The following NCOA2 variants were observed in gnomAD, a reference collection of about 807,000 sequenced individuals.
NCOA2 encodes class E basic helix-loop-helix protein 75.
NCOA2 carries 21 observed loss-of-function variants against 145.1 expected under a neutral mutation model. That is an observed-to-expected ratio of 0.14 (90% CI 0.10 to 0.21). The LOEUF is 0.21. Among genes scored for constraint, NCOA2 ranks in the 10% least tolerant of loss-of-function variants. The pLI is 1.00. For synonymous variants in NCOA2, 619 were observed against 637.5 expected (o/e 0.97, Z 0.44); for missense variants, 1,472 against 1,837.6 (o/e 0.80, Z 3.64).
intron 1 of NCOA2, among the ~76,000 whole-genome samples, chr8:70,335,109 T>C (rs1763857402): frequency 9.5e-6 from 1 of 104,714 alleles, no homozygotes; most frequent in Non-Finnish European, 1.7e-5. Context: ...GGCAACAGCA[T>C]GAGACTCCAT....
intron 15 of NCOA2, among the ~76,000 whole-genome samples, chr8:70,132,859 C>A (rs1809301639): frequency 6.6e-6 from 1 of 152,132 alleles, no homozygotes; most frequent in Non-Finnish European, 1.5e-5. Flanking sequence ...AGCTACCACA[C>A]CTGGCCTGAA....
intron 2 of NCOA2, among the ~76,000 whole-genome samples, chr8:70,226,451 T>C (rs929157896): frequency 6.6e-6 from 1 of 152,064 alleles, no homozygotes; most frequent in Non-Finnish European, 1.5e-5. Flanking sequence ...GAAAAAATCT[T>C]GCAACAACTG....
intron 2 of NCOA2, among the ~76,000 whole-genome samples, chr8:70,279,363 A>G (rs1164702506): frequency 6.6e-6 from 1 of 152,132 alleles, no homozygotes; most frequent in Admixed American, 6.5e-5. Context: ...GATCTAGTAC[A>G]ATCAATGGCA....
At chr8:70,328,277 T>G (rs948618615) in intron 1 of NCOA2, among the ~76,000 whole-genome samples, 1 of 152,228 alleles carries the variant, frequency 6.6e-6, no homozygotes, top group Admixed American at 6.5e-5. Context: ...ATAGATTATA[T>G]GTACCTGCTA....
intron 2 of NCOA2, among the ~76,000 whole-genome samples, chr8:70,271,549 A>C (rs575278928): frequency 6.6e-6 from 1 of 152,352 alleles, no homozygotes; most frequent in Admixed American, 6.5e-5. Flanking sequence ...AATTACTGAA[A>C]GTTGCTCTCA....
At chr8:70,159,965 A>T (rs1320675348) in intron 9 of NCOA2, among the ~76,000 whole-genome samples, 1 of 152,208 alleles carries the variant, frequency 6.6e-6, no homozygotes, top group Non-Finnish European at 1.5e-5. Flanking sequence ...TTAACTGCTC[A>T]AACAAGCTTT....
intron 12 of NCOA2, among the ~76,000 whole-genome samples, chr8:70,146,113 G>T (rs1249193676): frequency 6.6e-6 from 1 of 152,046 alleles, no homozygotes; most frequent in East Asian, 1.9e-4. Flanking sequence ...TCTTAACTGG[G>T]CTTTCCTAGG....
intron 10 of NCOA2, among the ~76,000 whole-genome samples, chr8:70,157,707 C>T (rs1471570230): frequency 1.3e-5 from 2 of 152,118 alleles, no homozygotes; most frequent in East Asian, 1.9e-4. Flanking sequence ...AAGATAAACA[C>T]GCTTAGGGGA....
chr8:70,160,684 A>AGAGAGAGAGAGAGAGAGAGG (rs1563547162), intron 9 of NCOA2, among the ~76,000 whole-genome samples: 47 of 147,840 alleles, frequency 3.2e-4, no homozygotes, highest in African/African-American at 1.2e-3. Flanking sequence ...AGAGAGAGGG[A>AGAGAGAGAGAGAGAGAGAGG]GAGAGAGAGA....
chr8:70,278,397 G>A (rs1191833287), intron 2 of NCOA2, among the ~76,000 whole-genome samples: 1 of 152,120 alleles, frequency 6.6e-6, no homozygotes, highest in Non-Finnish European at 1.5e-5. Context: ...CATCAATATA[G>A]AAAGTCTACT....
chr8:70,164,661 T>C (rs1042141290), intron 7 of NCOA2, among the ~76,000 whole-genome samples: 1 of 152,136 alleles, frequency 6.6e-6, no homozygotes, highest in African/African-American at 2.4e-5. Context: ...AGTTTTTAAC[T>C]TGGCTGTTCC....
chr8:70,244,895 T>A (rs1404330737), intron 2 of NCOA2: 1 of 152,114 alleles, frequency 6.6e-6, no homozygotes, highest in Non-Finnish European at 1.5e-5. Flanking sequence ...TATCACTGCC[T>A]GGTTGTCACG....
intron 1 of NCOA2, among the ~76,000 whole-genome samples, chr8:70,364,012 G>C (rs964493962): frequency 8.9e-5 from 12 of 134,386 alleles, no homozygotes; most frequent in African/African-American, 3.3e-4. Flanking sequence ...ATACAACAAT[G>C]AAAAAAAAAA....
At chr8:70,186,052 T>C (rs1816035626) in intron 4 of NCOA2, among the ~76,000 whole-genome samples, 1 of 152,054 alleles carries the variant, frequency 6.6e-6, no homozygotes, top group Non-Finnish European at 1.5e-5. Context: ...ATACAAATAA[T>C]AAACCTAAAT....
intron 2 of NCOA2, among the ~76,000 whole-genome samples, chr8:70,220,779 A>G (rs1012266821): frequency 6.6e-6 from 1 of 152,244 alleles, no homozygotes; most frequent in Non-Finnish European, 1.5e-5. Context: ...TAATTTATGT[A>G]AACGATAATA....
intron 1 of NCOA2, among the ~76,000 whole-genome samples, chr8:70,376,758 T>C (rs1811701418): frequency 6.6e-6 from 1 of 152,210 alleles, no homozygotes; most frequent in South Asian, 2.1e-4. Context: ...GTAGCAGTGT[T>C]ATAGATACAG....
intron 1 of NCOA2, among the ~76,000 whole-genome samples, chr8:70,335,268 C>T (rs1194087252): frequency 6.6e-6 from 1 of 151,872 alleles, no homozygotes; most frequent in Non-Finnish European, 1.5e-5. Flanking sequence ...CTTCAACTTC[C>T]ACAACAGGCC....
intron 4 of NCOA2, among the ~76,000 whole-genome samples, chr8:70,180,764 A>G (rs930939102): frequency 6.6e-6 from 1 of 152,204 alleles, no homozygotes; most frequent in Non-Finnish European, 1.5e-5. Flanking sequence ...GGCTATTCAC[A>G]GGTGTGATCA....
chr8:70,188,507 A>C (rs1816325137), intron 4 of NCOA2, among the ~76,000 whole-genome samples: 2 of 152,204 alleles, frequency 1.3e-5, no homozygotes, highest in South Asian at 4.1e-4. Context: ...CATGTGAAGC[A>C]CTCTGAGCTC....
Sources: gnomAD v4.1 joint callset for allele counts (sites outside exome capture counted in the v4.1 genomes callset) on GRCh38, gnomAD v4.1.1 for gene constraint, MANE v1.5 for transcripts, NCBI Gene and HGNC (gene_info 2026-07-23, HGNC 2026-07-21) for gene names.